The following REDIC1 variants were observed in gnomAD, a reference collection of about 807,000 sequenced individuals.
REDIC1 encodes the protein regulator of DNA class I crossover intermediates 1.
At chr12:39,749,883 A>C in the REDIC1 span, among the ~76,000 whole-genome samples, 1 of 152,058 alleles carries the variant, frequency 6.6e-6, no homozygotes, top group Non-Finnish European at 1.5e-5. Flanking sequence ...CATGCTAAAA[A>C]CTCTCAATAA....
chr12:39,712,061 CATGTATATATA>C, the REDIC1 span, among the ~76,000 whole-genome samples: 2 of 68,074 alleles, frequency 2.9e-5, no homozygotes, highest in Non-Finnish European at 7.3e-5. Context: ...TGTATATATA[CATGTATATATA>C]CCGGTATGTA....
At chr12:39,721,339 A>T in the REDIC1 span, 1 of 1,149,510 alleles carries the variant, frequency 8.7e-7, no homozygotes, top group South Asian at 1.4e-5. Context: ...ACATGATAAG[A>T]AATGAGAAAA....
chr12:39,704,948 G>A, the REDIC1 span, among the ~76,000 whole-genome samples: 18 of 152,152 alleles, frequency 1.2e-4, no homozygotes, highest in South Asian at 3.1e-3. Context: ...AGGAGGGATG[G>A]CATTGGGAGA....
chr12:39,666,029 C>T, the REDIC1 span, among the ~76,000 whole-genome samples: 9 of 152,140 alleles, frequency 5.9e-5, no homozygotes, highest in Non-Finnish European at 1.0e-4. Context: ...AATTTAACTT[C>T]CTCTTTTCCT....
At chr12:39,776,037 T>C in the REDIC1 span, among the ~76,000 whole-genome samples, 148,044 of 152,300 alleles carry the variant, frequency 0.97, 71,954 homozygotes, top group East Asian at 1. Context: ...CAGTATTAAT[T>C]TGAGAAGATG....
At chr12:39,830,093 A>C in the REDIC1 span, 1 of 1,613,392 alleles carries the variant, frequency 6.2e-7, no homozygotes, top group Non-Finnish European at 8.5e-7. Context: ...TGGTAAAATG[A>C]GTGATATACC....
the REDIC1 span, among the ~76,000 whole-genome samples, chr12:39,887,255 CAA>C: frequency 1.3e-5 from 2 of 152,106 alleles, no homozygotes; most frequent in Non-Finnish European, 2.9e-5. Context: ...TCATAAAATA[CAA>C]AAGTCATACA....
chr12:39,777,070 A>G, the REDIC1 span, among the ~76,000 whole-genome samples: 1 of 152,202 alleles, frequency 6.6e-6, no homozygotes, highest in African/African-American at 2.4e-5. Flanking sequence ...ATTTTCTGGA[A>G]TTCCTTTTGG....
the REDIC1 span, among the ~76,000 whole-genome samples, chr12:39,884,206 C>T: frequency 0.085 from 12,986 of 152,014 alleles, 1,286 homozygotes; most frequent in African/African-American, 0.25. Context: ...TGGCCTCAAG[C>T]CACCCTTCTG....
the REDIC1 span, among the ~76,000 whole-genome samples, chr12:39,715,275 T>C: frequency 2.0e-5 from 3 of 152,098 alleles, no homozygotes; most frequent in African/African-American, 7.2e-5. Context: ...CATTCTCCTG[T>C]ATGTGGCTAG....
the REDIC1 span, among the ~76,000 whole-genome samples, chr12:39,720,172 A>G: frequency 6.6e-6 from 1 of 151,946 alleles, no homozygotes; most frequent in African/African-American, 2.4e-5. Flanking sequence ...GTCTTTTTAT[A>G]TAACAGTTGA....
chr12:39,712,496 C>T, the REDIC1 span, among the ~76,000 whole-genome samples: 39 of 137,772 alleles, frequency 2.8e-4, no homozygotes, highest in Middle Eastern at 5.8e-3. Context: ...ATATATACGA[C>T]GTATATACGT....
chr12:39,896,439 T>C, the REDIC1 span, among the ~76,000 whole-genome samples: 1 of 144,398 alleles, frequency 6.9e-6, no homozygotes, highest in East Asian at 2.1e-4. Context: ...TATGTATACA[T>C]ATATGTATAT....
chr12:39,776,146 C>T, the REDIC1 span, among the ~76,000 whole-genome samples: 1 of 152,212 alleles, frequency 6.6e-6, no homozygotes, highest in Non-Finnish European at 1.5e-5. Context: ...TCAGGCATTA[C>T]AGTTATTAGC....
At chr12:39,634,260 G>C in the REDIC1 span, among the ~76,000 whole-genome samples, 1 of 152,106 alleles carries the variant, frequency 6.6e-6, no homozygotes, top group Admixed American at 6.6e-5. Context: ...AGGAATGCTT[G>C]TGATTTTTGC....
chr12:39,706,190 T>A, the REDIC1 span, among the ~76,000 whole-genome samples: 48 of 151,862 alleles, frequency 3.2e-4, no homozygotes, highest in African/African-American at 9.4e-4. Context: ...CTGAAAAAAA[T>A]TTTTAAAGTA....
the REDIC1 span, among the ~76,000 whole-genome samples, chr12:39,808,367 TAATTTCC>T: frequency 2.0e-5 from 3 of 152,192 alleles, no homozygotes; most frequent in African/African-American, 7.2e-5. Flanking sequence ...AACATCTACG[TAATTTCC>T]AATTTTGTCC....
chr12:39,848,015 A>G, the REDIC1 span, among the ~76,000 whole-genome samples: 3 of 152,124 alleles, frequency 2.0e-5, no homozygotes, highest in African/African-American at 7.2e-5. Flanking sequence ...CATGGTTAGC[A>G]TTCAGTAATG....
the REDIC1 span, among the ~76,000 whole-genome samples, chr12:39,896,475 T>C: frequency 3.4e-5 from 5 of 146,238 alleles, no homozygotes; most frequent in Non-Finnish European, 6.0e-5. Flanking sequence ...TACATATATG[T>C]ATATGTGTAT....
Sources: allele counts gnomAD v4.1 joint callset (sites outside exome capture counted in the v4.1 genomes callset), GRCh38; gene constraint gnomAD v4.1.1; transcripts MANE v1.5; gene names NCBI Gene and HGNC (gene_info 2026-07-23, HGNC 2026-07-21).